Variants in MAOB observed in about 807,000 individuals in gnomAD.
MAOB encodes the protein amine oxidase [flavin-containing] B.
A neutral mutation model predicts 41.9 loss-of-function variants in MAOB; 15 were observed. That is an observed-to-expected ratio of 0.36 (90% CI 0.24 to 0.55). MAOB has a LOEUF of 0.55. Among genes scored for constraint, MAOB ranks in the 20% least tolerant of loss-of-function variants. The pLI is 0.86. For missense variants in MAOB, 345 were observed against 398.7 expected (o/e 0.87, Z 1.15); for synonymous variants, 167 against 144.2 (o/e 1.16, Z -1.13).
intron 3 of MAOB, among the ~76,000 whole-genome samples, chrX:43,823,464 C>T (rs951023213): frequency 3.6e-5 from 4 of 111,113 alleles, no homozygotes; most frequent in South Asian, 3.8e-4. Flanking sequence ...TGAGCCACCA[C>T]GCCAGGCCTA....
chrX:43,786,295 T>C (rs1601972388), intron 8 of MAOB, among the ~76,000 whole-genome samples: 1 of 112,018 alleles, frequency 8.9e-6, no homozygotes, highest in Non-Finnish European at 1.9e-5. Context: ...AAATGTTGTA[T>C]AGAAAACCCA....
intron 9 of MAOB, 132 bp from the exon 10 acceptor site, chrX:43,780,527 T>C (rs184079554): frequency 9.8e-6 from 4 of 408,973 alleles, no homozygotes; most frequent in Non-Finnish European, 1.7e-5. Flanking sequence ...CACTAGCTTT[T>C]CTTACGTTCA....
chrX:43,866,784 G>A (rs768882193), intron 1 of MAOB, among the ~76,000 whole-genome samples: 1 of 112,638 alleles, frequency 8.9e-6, no homozygotes, highest in African/African-American at 3.2e-5. Context: ...CGAATGATGG[G>A]ACACAAATGA....
chrX:43,843,732 C>T lies in MAOB; in HGVS notation c.79G>A (p.Gly27Arg). 8.3e-7 allele frequency: 1 copy of T among 1,210,299 alleles called. No individual in the cohort carries two copies. The highest frequency in any genetic ancestry group is 1.1e-6 in the Non-Finnish European group (1 of 894,892). Residue 27 changes from glycine (G) to arginine (R), a missense_variant, in exon 2 of 15, where the codon GGA becomes AGA. Physicochemically the swap from Gly to Arg is moderately radical, Grantham distance 125. Transcript: ENST00000378069. Reference protein sequence around the residue: ...MAAAKLLHDSGLNVVVLEARD... With the variant: ...MAAAKLLHDSRLNVVVLEARD... ...GCTTCCAGAACAACCACATTCAGTC[C>T]AGAGTCATGCAGAAGTTTGGCTGCT...
chrX:43,875,666 T>A (rs1049905969), intron 1 of MAOB, among the ~76,000 whole-genome samples: 1 of 111,852 alleles, frequency 8.9e-6, no homozygotes, highest in African/African-American at 3.3e-5. Context: ...TCAATTTGGC[T>A]CACTTTTGCA....
chrX:43,815,889 C>G (rs907721226), intron 3 of MAOB, among the ~76,000 whole-genome samples: 1 of 111,844 alleles, frequency 8.9e-6, no homozygotes, highest in African/African-American at 3.3e-5. Context: ...AACACATACA[C>G]GAAAATGTTA....
At chrX:43,842,902 G>T (rs191086419) in intron 2 of MAOB, among the ~76,000 whole-genome samples, 1 of 111,506 alleles carries the variant, frequency 9.0e-6, no homozygotes, top group African/African-American at 3.3e-5. Context: ...GGGCTGGGGG[G>T]TGAGAACTGA....
chrX:43,864,345 G>A (rs754740365), intron 1 of MAOB, among the ~76,000 whole-genome samples: 8 of 111,157 alleles, frequency 7.2e-5, no homozygotes, highest in African/African-American at 2.6e-4. Flanking sequence ...CTTACCAAAT[G>A]CTTACTGTTT....
intron 6 of MAOB, 54 bp downstream of exon 6, chrX:43,797,071 T>G: frequency 8.8e-7 from 1 of 1,130,039 alleles, no homozygotes; most frequent in South Asian, 2.1e-5. Context: ...ATGATGATCT[T>G]TCATTTCAGT....
At chrX:43,857,598 G>A (rs974227847) in intron 1 of MAOB, among the ~76,000 whole-genome samples, 2 of 111,244 alleles carry the variant, frequency 1.8e-5, no homozygotes, top group Admixed American at 9.6e-5. Flanking sequence ...CTGCCTTCCT[G>A]AGAAAGGAAA....
At chrX:43,840,173 G>T (rs1435383649) in intron 2 of MAOB, among the ~76,000 whole-genome samples, 1 of 112,040 alleles carries the variant, frequency 8.9e-6, no homozygotes, top group Non-Finnish European at 1.9e-5. Context: ...AGGTCAGGCG[G>T]TGTATGTCAC....
chrX:43,830,994 AGTGTGTGTGTGT>A (rs56322068), intron 3 of MAOB, among the ~76,000 whole-genome samples: 88 of 95,806 alleles, frequency 9.2e-4, no homozygotes, highest in African/African-American at 2.9e-3. Context: ...TCAATGATTA[AGTGTGTGTGTGT>A]GTGTGTGTGT....
intron 1 of MAOB, chrX:43,850,385 G>T (rs1251552979): frequency 1.3e-6 from 1 of 746,865 alleles, no homozygotes; most frequent in Non-Finnish European, 1.6e-6. Flanking sequence ...AGGAATATTT[G>T]CAGGCATGTG....
chrX:43,784,983 A>G (rs1399948872), intron 8 of MAOB, among the ~76,000 whole-genome samples: 1 of 112,008 alleles, frequency 8.9e-6, no homozygotes, highest in African/African-American at 3.2e-5. Context: ...CCCCGTCTCT[A>G]CTAAAAATAC....
intron 1 of MAOB, among the ~76,000 whole-genome samples, chrX:43,862,299 C>A (rs996366676): frequency 3.6e-5 from 4 of 111,694 alleles, no homozygotes; most frequent in African/African-American, 1.3e-4. Context: ...GTGGGGTTCT[C>A]CATGTAAATT....
At chrX:43,866,222 T>C (rs971596290) in intron 1 of MAOB, among the ~76,000 whole-genome samples, 1 of 111,353 alleles carries the variant, frequency 9.0e-6, no homozygotes, top group African/African-American at 3.3e-5. Context: ...TGAAAGGAAA[T>C]ACACCAGGCT....
chrX:43,881,989 C>T lies in MAOB; in HGVS notation c.46+265G>A, dbSNP rs1486602636. On this transcript the variant is annotated intron_variant, in intron 1 of 14. Coordinates refer to ENST00000378069, the MANE Select transcript of MAOB (RefSeq NM_000898.5). The stretch of plus-strand genomic sequence containing the variant: ...TTCCAGCAAGCGAAGGCCTAGCAGC[C>T]TTCTGGGGGAGAAGTTCAAAGTCTG... Among the ~76,000 whole-genome samples the T allele has an allele frequency of 2.7e-5, 3 of 112,492 alleles. No individual in the cohort carries two copies. In the Admixed American group the frequency reaches 2.8e-4, roughly 10 times the overall value.
chrX:43,848,520 T>A (rs1000143476), intron 1 of MAOB, among the ~76,000 whole-genome samples: 9 of 110,304 alleles, frequency 8.2e-5, no homozygotes, highest in Non-Finnish European at 1.3e-4. Flanking sequence ...TTTTTTTTTA[T>A]GTTGTTGTTG....
At chrX:43,801,656 T>G (rs192797332) in intron 5 of MAOB, among the ~76,000 whole-genome samples, 29 of 112,492 alleles carry the variant, frequency 2.6e-4, no homozygotes, top group Non-Finnish European at 3.0e-4. Context: ...CATAGGTACT[T>G]GTTTTTTCAC....
Sources: allele counts gnomAD v4.1 joint callset (sites outside exome capture counted in the v4.1 genomes callset), GRCh38; gene constraint gnomAD v4.1.1; transcripts MANE v1.5; gene names NCBI Gene and HGNC (gene_info 2026-07-23, HGNC 2026-07-21).